The following FOXP1 variants were observed in gnomAD, a reference collection of about 807,000 sequenced individuals.
FOXP1 encodes the protein forkhead box protein P1.
FOXP1 carries 15 observed loss-of-function variants against 98.2 expected under a neutral mutation model. The observed-to-expected ratio is 0.15, with a 90% CI of 0.10 to 0.24. The LOEUF (loss-of-function observed/expected upper bound fraction) is 0.24. FOXP1 is among the 10% of genes least tolerant of loss of function. FOXP1 has a pLI of 1.00. For missense variants in FOXP1, 633 were observed against 848.5 expected (o/e 0.75, Z 3.15); for synonymous variants, 371 against 314.5 (o/e 1.18, Z -1.90).
Position 71,196,715 on chromosome 3 carries a change from T to C in FOXP1, c.180+1487A>G, listed in dbSNP as rs181326701. The stretch of plus-strand genomic sequence containing the variant: ...TTGCACAAATACACGGAGACCCTTT[T>C]ACTATCTACTGCTGGGTTTTGCTAA... On this transcript the variant is annotated intron_variant, in intron 6 of 20. Coordinates refer to ENST00000649528, the MANE Select transcript of FOXP1 (RefSeq NM_001349338.3). 9.8e-4 allele frequency among the ~76,000 whole-genome samples: 149 copies of C among 152,342 alleles called. No individual in the cohort carries two copies. In the Middle Eastern group the frequency reaches 0.014, roughly 14 times the overall value.
chr3:71,458,923 G>T (rs918752484), intron 3 of FOXP1, among the ~76,000 whole-genome samples: 3 of 152,200 alleles, frequency 2.0e-5, no homozygotes, highest in African/African-American at 7.2e-5. Flanking sequence ...GGAAATATTT[G>T]ATTTTACTGT....
chr3:71,413,667 A>G (rs776004606), intron 3 of FOXP1, among the ~76,000 whole-genome samples: 27 of 152,176 alleles, frequency 1.8e-4, no homozygotes, highest in Non-Finnish European at 3.4e-4. Context: ...GGTTTTTGAC[A>G]CAGATCACAG....
intron 6 of FOXP1, among the ~76,000 whole-genome samples, chr3:71,179,134 C>CTTTT (rs34816512): frequency 0.012 from 1,527 of 124,768 alleles, 77 homozygotes; most frequent in African/African-American, 0.04. Flanking sequence ...TCTTAACAAT[C>CTTTT]TTTTTTTTTT....
intron 6 of FOXP1, among the ~76,000 whole-genome samples, chr3:71,124,215 C>T (rs2058993797): frequency 6.6e-6 from 1 of 151,548 alleles, no homozygotes; most frequent in Non-Finnish European, 1.5e-5. Flanking sequence ...AAAACAAAGT[C>T]ATTTCTATTT....
intron 19 of FOXP1, chr3:70,970,483 A>G (rs2107148188): frequency 2.0e-6 from 1 of 495,642 alleles, no homozygotes; most frequent in Non-Finnish European, 3.7e-6. Context: ...GATGGAAATT[A>G]TGATACTGCT....
At chr3:71,201,977 T>C (rs2063707132) in intron 5 of FOXP1, among the ~76,000 whole-genome samples, 1 of 152,192 alleles carries the variant, frequency 6.6e-6, no homozygotes, top group Non-Finnish European at 1.5e-5. Context: ...AGAATGCTGC[T>C]TTCAGACTAT....
chr3:70,985,072 A>C (rs2039501117), intron 14 of FOXP1, among the ~76,000 whole-genome samples: 1 of 152,256 alleles, frequency 6.6e-6, no homozygotes, highest in African/African-American at 2.4e-5. Flanking sequence ...TTAGTGACTA[A>C]GAATTTTAAA....
chr3:71,170,346 T>C lies in FOXP1; in HGVS notation c.180+27856A>G, dbSNP rs557051358. ...GATTACTGCTAGTCAAATCAAGCTTTCAGGCAAATAATCTCCATTTTTAAA... is the reference window on the plus strand; with the variant it reads ...GATTACTGCTAGTCAAATCAAGCTTCCAGGCAAATAATCTCCATTTTTAAA... On this transcript the variant is annotated intron_variant, in intron 6 of 20. Coordinates refer to ENST00000649528, the MANE Select transcript of FOXP1 (RefSeq NM_001349338.3). Among the ~76,000 whole-genome samples, 544 of 152,314 alleles carry C rather than the reference T, an allele frequency of 3.6e-3. 7 individuals carry two copies. Among genetic ancestry groups the C allele is most frequent in the African/African-American group, 0.013 (536 of 41,550 alleles).
At chr3:71,393,618 C>A (rs75015221) in intron 3 of FOXP1, among the ~76,000 whole-genome samples, 2,349 of 152,180 alleles carry the variant, frequency 0.015, 65 homozygotes, top group African/African-American at 0.053. Flanking sequence ...ATAATTAGCA[C>A]CATTGCTAGT....
intron 7 of FOXP1, among the ~76,000 whole-genome samples, chr3:71,060,840 C>T (rs981337471): frequency 6.6e-6 from 1 of 152,170 alleles, no homozygotes; most frequent in Admixed American, 6.5e-5. Context: ...CTAAAAAGCT[C>T]ACCATAACAT....
intron 5 of FOXP1, among the ~76,000 whole-genome samples, chr3:71,223,985 T>A (rs1181216830): frequency 1.3e-5 from 2 of 152,130 alleles, no homozygotes; most frequent in Non-Finnish European, 2.9e-5. Flanking sequence ...AGCTGGTCAG[T>A]GAGTTGCTAA....
chr3:71,151,972 C>G (rs2060595398), intron 6 of FOXP1, among the ~76,000 whole-genome samples: 1 of 152,176 alleles, frequency 6.6e-6, no homozygotes, highest in East Asian at 1.9e-4. Flanking sequence ...GGATGGAATA[C>G]ATTCCTTTGA....
In FOXP1 at chr3:71,091,097, C is replaced by CTG. The variant is rs1191628935; in HGVS notation, c.282+21437_282+21438dup. ...CATTTTGAGCTACAGGTGCCAGATT[C>CTG]TGTGTGTGTGTGTGTGTGTGTGTGT... On this transcript the variant is annotated intron_variant, in intron 7 of 20. Coordinates refer to ENST00000649528, the MANE Select transcript of FOXP1 (RefSeq NM_001349338.3). Among the ~76,000 whole-genome samples the CTG allele has an allele frequency of 8.9e-4, 118 of 132,610 alleles. 2 individuals are homozygous for CTG. The highest frequency in any genetic ancestry group is 3.2e-3 in the African/African-American group (113 of 35,370). The allele number at this position is 132,610 out of a possible 152,430, so 87.0% of individuals were successfully genotyped here.
At chr3:71,279,908 G>C (rs2071331556) in intron 5 of FOXP1, among the ~76,000 whole-genome samples, 1 of 151,966 alleles carries the variant, frequency 6.6e-6, no homozygotes, top group Admixed American at 6.6e-5. Context: ...CGGATCACGA[G>C]GTCAGGAGAT....
chr3:71,282,237 T>A (rs1400745571), intron 5 of FOXP1, among the ~76,000 whole-genome samples: 1 of 152,156 alleles, frequency 6.6e-6, no homozygotes, highest in Non-Finnish European at 1.5e-5. Flanking sequence ...GTGTTATCCA[T>A]AAAAATTCAA....
At chr3:71,095,659 A>C (rs1371892305) in intron 7 of FOXP1, among the ~76,000 whole-genome samples, 2 of 152,120 alleles carry the variant, frequency 1.3e-5, no homozygotes, top group Non-Finnish European at 2.9e-5. Flanking sequence ...GGTATGCCCT[A>C]AACTCCTAGA....
At chr3:71,371,677 T>C (rs2079325059) in intron 3 of FOXP1, among the ~76,000 whole-genome samples, 1 of 152,164 alleles carries the variant, frequency 6.6e-6, no homozygotes, top group Non-Finnish European at 1.5e-5. Flanking sequence ...TGGTCCTAGC[T>C]GCTTGGGAGG....
intron 2 of FOXP1, among the ~76,000 whole-genome samples, chr3:71,568,243 A>G (rs1299085498): frequency 6.6e-6 from 1 of 152,152 alleles, no homozygotes; most frequent in Non-Finnish European, 1.5e-5. Context: ...AGGAGAAGGT[A>G]TGTGCTTCCT....
At chr3:71,250,396 C>G (rs2068090114) in intron 5 of FOXP1, among the ~76,000 whole-genome samples, 1 of 152,164 alleles carries the variant, frequency 6.6e-6, no homozygotes, top group Admixed American at 6.5e-5. Context: ...TGAAATATGG[C>G]TAGTGTCACT....
Sources: allele counts gnomAD v4.1 joint callset (sites outside exome capture counted in the v4.1 genomes callset), GRCh38; gene constraint gnomAD v4.1.1; transcripts MANE v1.5; gene names NCBI Gene and HGNC (gene_info 2026-07-23, HGNC 2026-07-21).